The following ADAMTS3 variants were observed in gnomAD, a reference collection of about 807,000 sequenced individuals.
ADAMTS3 encodes A disintegrin and metalloproteinase with thrombospondin motifs 3.
A neutral mutation model predicts 129.0 loss-of-function variants in ADAMTS3; 73 were observed. The observed-to-expected ratio is 0.57, with a 90% CI of 0.47 to 0.69. The LOEUF is 0.69. Among genes scored for constraint, ADAMTS3 ranks in the 30% least tolerant of loss-of-function variants. The pLI is 0.00. For missense variants in ADAMTS3, 1,457 were observed against 1,514.5 expected, an observed-to-expected ratio of 0.96 and a Z score of 0.63; for synonymous variants, 477 against 510.8, an observed-to-expected ratio of 0.93 and a Z score of 0.89.
chr4:72,293,819 G>T (rs1398122900), intron 19 of ADAMTS3, among the ~76,000 whole-genome samples: 6 of 152,004 alleles, frequency 3.9e-5, no homozygotes, highest in Admixed American at 3.9e-4. Flanking sequence ...AAATTACTTA[G>T]AAACAGGAAA....
chr4:72,487,146 T>C (rs1305693779), intron 3 of ADAMTS3, among the ~76,000 whole-genome samples: 2 of 152,124 alleles, frequency 1.3e-5, no homozygotes, highest in Non-Finnish European at 2.9e-5. Context: ...ACATTCTCTA[T>C]AAAAGGTATG....
At chr4:72,410,358 C>G (rs978420098) in intron 4 of ADAMTS3, among the ~76,000 whole-genome samples, 4 of 152,144 alleles carry the variant, frequency 2.6e-5, no homozygotes, top group Non-Finnish European at 4.4e-5. Flanking sequence ...CCATGACAAC[C>G]ACACCAGCAA....
intron 4 of ADAMTS3, among the ~76,000 whole-genome samples, chr4:72,413,167 GA>G (rs1722222248): frequency 6.6e-6 from 1 of 151,954 alleles, no homozygotes; most frequent in African/African-American, 2.4e-5. Context: ...TTCAGGAATT[GA>G]AATGTAGTAA....
At chr4:72,441,597 T>C (rs867601411) in intron 3 of ADAMTS3, 1 of 151,798 alleles carries the variant, frequency 6.6e-6, no homozygotes, top group South Asian at 2.1e-4. Flanking sequence ...GAAGAAATCT[T>C]GGTCTACTCC....
In ADAMTS3 at chr4:72,425,645, C is replaced by T. The variant is rs553359413; in HGVS notation, c.505-10674G>A. ...TGATGATTTCCAGCTTCATCCACGT[C>T]CCTAAAACGACATGAACTCATCCTT... On this transcript the variant is annotated intron_variant, in intron 3 of 21. Transcript: ENST00000286657. 2.0e-5 allele frequency among the ~76,000 whole-genome samples: 3 copies of T among 152,252 alleles called. No individual in the cohort carries two copies. In the East Asian group the frequency reaches 5.8e-4, roughly 29 times the overall value.
chr4:72,414,184 A>G (rs1419355287), intron 4 of ADAMTS3, among the ~76,000 whole-genome samples: 1 of 151,880 alleles, frequency 6.6e-6, no homozygotes, highest in Non-Finnish European at 1.5e-5. Context: ...TTTTATATCC[A>G]ATGTATAAGC....
chr4:72,530,279 TATA>T (rs1262650196), intron 3 of ADAMTS3, among the ~76,000 whole-genome samples: 6 of 82,938 alleles, frequency 7.2e-5, no homozygotes, highest in African/African-American at 1.5e-4. Context: ...ATATATAATA[TATA>T]ATAACATATA....
intron 4 of ADAMTS3, among the ~76,000 whole-genome samples, chr4:72,343,689 G>A (rs2109835994): frequency 6.6e-6 from 1 of 152,162 alleles, no homozygotes; most frequent in East Asian, 1.9e-4. Context: ...AACAGAATTA[G>A]CAGAAAAAAA....
intron 3 of ADAMTS3, among the ~76,000 whole-genome samples, chr4:72,526,654 A>G (rs1261688330): frequency 1.4e-5 from 2 of 144,638 alleles, no homozygotes; most frequent in Non-Finnish European, 3.0e-5. Flanking sequence ...ACCCAGAAGG[A>G]CTTTTATATA....
intron 18 of ADAMTS3, among the ~76,000 whole-genome samples, chr4:72,296,369 G>C (rs1258537544): frequency 6.6e-6 from 1 of 152,022 alleles, no homozygotes; most frequent in East Asian, 1.9e-4. Flanking sequence ...GATCTTGAAA[G>C]CCTTCAGTGT....
intron 4 of ADAMTS3, among the ~76,000 whole-genome samples, chr4:72,340,847 TA>T (rs1159085345): frequency 3.9e-5 from 6 of 152,166 alleles, no homozygotes; most frequent in Non-Finnish European, 7.4e-5. Flanking sequence ...TGCTGGTACA[TA>T]AAAACCAAAA....
chr4:72,436,912 G>A (rs981332359), intron 3 of ADAMTS3, among the ~76,000 whole-genome samples: 1 of 151,914 alleles, frequency 6.6e-6, no homozygotes, highest in Non-Finnish European at 1.5e-5. Context: ...CATAAATGAC[G>A]AGTTAATGGG....
chr4:72,381,120 A>G (rs905570696), intron 4 of ADAMTS3, among the ~76,000 whole-genome samples: 1 of 152,156 alleles, frequency 6.6e-6, no homozygotes, highest in Non-Finnish European at 1.5e-5. Context: ...AGTATTTGTG[A>G]CAAGATAATC....
intron 4 of ADAMTS3, among the ~76,000 whole-genome samples, chr4:72,397,490 G>C (rs953306705): frequency 1.3e-5 from 2 of 151,956 alleles, no homozygotes; most frequent in African/African-American, 4.8e-5. Flanking sequence ...GCTTGAACCA[G>C]GGAGGTGGAG....
At chr4:72,431,953 A>T (rs967603499) in intron 3 of ADAMTS3, among the ~76,000 whole-genome samples, 6 of 151,936 alleles carry the variant, frequency 3.9e-5, no homozygotes, top group Admixed American at 3.3e-4. Context: ...AAAGGTAGTA[A>T]TGAGAGAAAA....
rs192484542 is a variant in ADAMTS3 at position 72,370,522 on chromosome 4, C to T, written c.662-30829G>A. On this transcript the variant is annotated intron_variant, in intron 4 of 21. Coordinates refer to ENST00000286657, the MANE Select transcript of ADAMTS3 (RefSeq NM_014243.3). ...TTGTGTGTGTGTCTTTTATTTTCCC[C>T]TCACGCATTTCCCGTACAGAACAGA... is the stretch of plus-strand genomic sequence containing the variant. Among the ~76,000 whole-genome samples, 3 of 152,170 alleles carry T rather than the reference C, an allele frequency of 2.0e-5. No homozygotes were observed. The East Asian group carries it at 5.8e-4, about 29-fold the overall frequency.
At chr4:72,347,895 C>T (rs1720329978) in intron 4 of ADAMTS3, among the ~76,000 whole-genome samples, 1 of 151,910 alleles carries the variant, frequency 6.6e-6, no homozygotes, top group Admixed American at 6.6e-5. Flanking sequence ...CGTTTCAAAG[C>T]TCATGTTACT....
intron 3 of ADAMTS3, among the ~76,000 whole-genome samples, chr4:72,503,193 T>G (rs1720072310): frequency 6.6e-6 from 1 of 151,934 alleles, no homozygotes; most frequent in Non-Finnish European, 1.5e-5. Flanking sequence ...TGGCTAATTT[T>G]TTGTATTTTA....
intron 3 of ADAMTS3, among the ~76,000 whole-genome samples, chr4:72,441,319 C>T (rs569304037): frequency 6.6e-6 from 1 of 151,760 alleles, no homozygotes; most frequent in East Asian, 2.0e-4. Flanking sequence ...AACATTTGTA[C>T]ATCTTCTTTT....
Sources: allele counts gnomAD v4.1 joint callset (sites outside exome capture counted in the v4.1 genomes callset), GRCh38; gene constraint gnomAD v4.1.1; transcripts MANE v1.5; gene names NCBI Gene and HGNC (gene_info 2026-07-23, HGNC 2026-07-21).